Variants in CTTNBP2 observed in about 807,000 individuals in gnomAD.
CTTNBP2 encodes cortactin binding protein 2, also known as cortactin-binding protein 2.
In CTTNBP2, 108 loss-of-function variants were observed where a neutral mutation model predicts 156.9. The ratio of observed to expected loss-of-function variants is 0.69; its 90% CI spans 0.59 to 0.81. The LOEUF is 0.81. Ranked by LOEUF, CTTNBP2 falls within the 30% of genes least tolerant of loss-of-function variation. The probability of loss-of-function intolerance (pLI) is 0.00; values close to 1 mark genes in which losing one functional copy is unlikely to be tolerated. For missense variants in CTTNBP2, 1,924 were observed against 2,035.4 expected, an observed-to-expected ratio of 0.95 and a Z score of 1.05; for synonymous variants, 767 against 751.8, an observed-to-expected ratio of 1.02 and a Z score of -0.33.
intron 2 of CTTNBP2, among the ~76,000 whole-genome samples, chr7:117,812,588 C>T (rs1457919207): frequency 1.3e-5 from 2 of 152,064 alleles, no homozygotes; most frequent in Non-Finnish European, 2.9e-5. Flanking sequence ...TTTAAGCTAG[C>T]TTTCAGAAGA....
At chr7:117,836,243 C>G (rs537840779) in intron 2 of CTTNBP2, among the ~76,000 whole-genome samples, 1 of 152,252 alleles carries the variant, frequency 6.6e-6, no homozygotes, top group African/African-American at 2.4e-5. Context: ...TTTCATGTCC[C>G]CTTCCACCCC....
At chr7:117,808,977 C>T (rs922479900) in intron 3 of CTTNBP2, among the ~76,000 whole-genome samples, 1 of 152,158 alleles carries the variant, frequency 6.6e-6, no homozygotes, top group Admixed American at 6.5e-5. Flanking sequence ...AAATGTAGCA[C>T]TCCCTGTCAG....
At chr7:117,768,402 C>T (rs1797616956) in intron 8 of CTTNBP2, among the ~76,000 whole-genome samples, 1 of 151,622 alleles carries the variant, frequency 6.6e-6, no homozygotes, top group Admixed American at 6.6e-5. Flanking sequence ...CCCCATCCTA[C>T]TAAAAATACA....
intron 22 of CTTNBP2, among the ~76,000 whole-genome samples, chr7:117,715,475 T>TTAAAAAAA (rs570148227): frequency 3.4e-5 from 4 of 116,392 alleles, no homozygotes; most frequent in East Asian, 4.7e-4. Flanking sequence ...GCCCTGAAGT[T>TTAAAAAAA]AAAAAAAAAA....
chr7:117,842,001 G>A (rs541554152), intron 2 of CTTNBP2, among the ~76,000 whole-genome samples: 13 of 152,206 alleles, frequency 8.5e-5, no homozygotes, highest in Admixed American at 2.0e-4. Flanking sequence ...CATGAGAGAC[G>A]CTTGGAAAAA....
intron 2 of CTTNBP2, among the ~76,000 whole-genome samples, chr7:117,840,381 A>C (rs1802199450): frequency 6.6e-6 from 1 of 152,072 alleles, no homozygotes. Flanking sequence ...ATTCTAAATT[A>C]GCCAGGTGCA....
Position 117,777,634 on chromosome 7 carries a change from G to A in CTTNBP2, c.2655C>T (p.Asp885=). 2.5e-6 allele frequency: 4 copies of A among 1,614,038 alleles called. No individual in the cohort carries two copies. Among genetic ancestry groups the A allele is most frequent in the East Asian group, 2.2e-5 (1 of 44,868 alleles). The change falls in exon 8 of 23, where the codon GAC becomes GAT. Residue 885 remains aspartate (D), a synonymous_variant. Coordinates refer to ENST00000160373, the MANE Select transcript of CTTNBP2 (RefSeq NM_033427.3). The stretch of plus-strand genomic sequence containing the variant: ...CAGGACTCTCTTCTCCTCCATCCAA[G>A]TCAAAGACACTTGACTCGGACTCCT... ...NEEESESSVF[D]LDGGEESPEG...
chr7:117,725,422 C>T (rs1294528276), intron 17 of CTTNBP2, among the ~76,000 whole-genome samples, 165 bp from the exon 18 acceptor site: 2 of 152,164 alleles, frequency 1.3e-5, no homozygotes, highest in Non-Finnish European at 2.9e-5. Context: ...TTACCCAATA[C>T]AAAAGTGTTT....
intron 2 of CTTNBP2, among the ~76,000 whole-genome samples, chr7:117,817,142 C>T (rs1800627836): frequency 6.6e-6 from 1 of 150,518 alleles, no homozygotes; most frequent in Non-Finnish European, 1.5e-5. Context: ...TCCAGACCAT[C>T]CTGGCTAACA....
intron 16 of CTTNBP2, 66 bp downstream of exon 16, chr7:117,734,847 G>A (rs544095365): frequency 7.5e-7 from 1 of 1,325,170 alleles, no homozygotes; most frequent in Non-Finnish European, 1.0e-6. Flanking sequence ...TGGAACTCAA[G>A]CTGAGATCTC....
intron 8 of CTTNBP2, among the ~76,000 whole-genome samples, chr7:117,771,845 G>C (rs1246429071): frequency 6.6e-6 from 1 of 152,098 alleles, no homozygotes; most frequent in Non-Finnish European, 1.5e-5. Context: ...AGGTATCCTG[G>C]GAACACCTAA....
intron 2 of CTTNBP2, among the ~76,000 whole-genome samples, chr7:117,822,111 C>A (rs2117031873): frequency 6.6e-6 from 1 of 152,100 alleles, no homozygotes; most frequent in East Asian, 1.9e-4. Flanking sequence ...TTTATTCCTT[C>A]CTGTATTAGT....
At chr7:117,755,228 G>A (rs1796822332) in intron 12 of CTTNBP2, 3 of 193,368 alleles carry the variant, frequency 1.6e-5, no homozygotes, top group African/African-American at 4.8e-5. Flanking sequence ...GGCTTTGAAT[G>A]TTTCTCTGCT....
intron 1 of CTTNBP2, among the ~76,000 whole-genome samples, chr7:117,867,410 T>C (rs1312776087): frequency 6.6e-6 from 1 of 152,208 alleles, no homozygotes; most frequent in African/African-American, 2.4e-5. Context: ...CAGTTAATCA[T>C]GTCCGGCCTT....
chr7:117,716,827 C>T (rs1319489715), intron 22 of CTTNBP2, among the ~76,000 whole-genome samples: 2 of 152,130 alleles, frequency 1.3e-5, no homozygotes, highest in Non-Finnish European at 2.9e-5. Flanking sequence ...ATGTAATAGC[C>T]AGGATCAAAA....
intron 8 of CTTNBP2, among the ~76,000 whole-genome samples, chr7:117,774,414 C>T (rs1797985256): frequency 6.6e-6 from 1 of 152,128 alleles, no homozygotes; most frequent in Non-Finnish European, 1.5e-5. Context: ...CAGTATCAGT[C>T]CATGGCCTGT....
At chr7:117,772,242 C>CAG (rs1463203603) in intron 8 of CTTNBP2, among the ~76,000 whole-genome samples, 1 of 152,164 alleles carries the variant, frequency 6.6e-6, no homozygotes, top group East Asian at 1.9e-4. Context: ...TGAATGTGAC[C>CAG]AGACAGCAGA....
At chr7:117,826,552 A>T (rs1801292334) in intron 2 of CTTNBP2, among the ~76,000 whole-genome samples, 1 of 152,132 alleles carries the variant, frequency 6.6e-6, no homozygotes, top group Non-Finnish European at 1.5e-5. Context: ...GCCCTAAAAT[A>T]ACAAATGTAC....
At chr7:117,751,448 C>T (rs564183965) in intron 12 of CTTNBP2, among the ~76,000 whole-genome samples, 1 of 152,356 alleles carries the variant, frequency 6.6e-6, no homozygotes, top group South Asian at 2.1e-4. Flanking sequence ...CTACAAATTT[C>T]ATTCCACCCA....
Sources: gnomAD v4.1 joint callset for allele counts (sites outside exome capture counted in the v4.1 genomes callset) on GRCh38, gnomAD v4.1.1 for gene constraint, MANE v1.5 for transcripts, NCBI Gene and HGNC (gene_info 2026-07-23, HGNC 2026-07-21) for gene names.